The following CIT variants were observed in gnomAD, a reference collection of about 807,000 sequenced individuals.
The protein encoded by CIT is citron rho-interacting serine/threonine kinase.
CIT carries 79 observed loss-of-function variants against 272.7 expected under a neutral mutation model. That is an observed-to-expected ratio of 0.29 (90% CI 0.24 to 0.35). CIT has a LOEUF of 0.35. Among genes scored for constraint, CIT ranks in the 10% least tolerant of loss-of-function variants. The pLI, the probability that CIT is intolerant of heterozygous loss-of-function variation, is 1.00. For synonymous variants in CIT, 948 were observed against 995.6 expected (o/e 0.95, Z 0.90); for missense variants, 1,909 against 2,618.3 (o/e 0.73, Z 5.91).
intron 9 of CIT, among the ~76,000 whole-genome samples, chr12:119,816,231 G>A (rs760608924): frequency 1.3e-5 from 2 of 152,174 alleles, no homozygotes; most frequent in African/African-American, 4.8e-5. Flanking sequence ...CAACAGTAAA[G>A]TGGGGTTCAG....
chr12:119,704,754 G>A (rs1223766070), intron 40 of CIT, among the ~76,000 whole-genome samples: 1 of 152,174 alleles, frequency 6.6e-6, no homozygotes, highest in South Asian at 2.1e-4. Context: ...CTGGGATCCA[G>A]AGAAGGCCTC....
intron 32 of CIT, among the ~76,000 whole-genome samples, chr12:119,716,799 T>G (rs756871559): frequency 6.6e-6 from 1 of 152,198 alleles, no homozygotes; most frequent in Non-Finnish European, 1.5e-5. Flanking sequence ...GGATGTCCTC[T>G]GCAAGGTGTT....
intron 19 of CIT, among the ~76,000 whole-genome samples, chr12:119,762,833 G>A (rs1426959694): frequency 6.6e-6 from 1 of 152,106 alleles, no homozygotes; most frequent in Non-Finnish European, 1.5e-5. Context: ...GGGGACAGAA[G>A]TTTGAGACCA....
chr12:119,782,475 A>G lies in CIT; in HGVS notation c.1665+43T>C, dbSNP rs1310532222. 8 of 1,605,868 alleles carry G rather than the reference A, an allele frequency of 5.0e-6. No homozygotes were observed. In the African/African-American group the frequency reaches 1.1e-4, roughly 22 times the overall value. ...CGCCTCTCCTGAAATTAGAGGTCCA[A>G]GCAAGCCGAGATGCTGCTGTGCTCC... On this transcript the variant is annotated intron_variant, in intron 13 of 47. Transcript: ENST00000392521.
At chr12:119,823,413 T>A (rs910717785) in intron 8 of CIT, among the ~76,000 whole-genome samples, 1 of 152,172 alleles carries the variant, frequency 6.6e-6, no homozygotes. Flanking sequence ...TTCAGTGTGA[T>A]GAAAAAGAAA....
rs76015748 is a variant in CIT, at chr12:119,770,976, G to A, written c.2083-66C>T. On this transcript the variant is annotated intron_variant, in intron 17 of 47. Transcript: ENST00000392521. This position sits in a 1 kb window ranked among gnomAD's most constrained non-coding sequence, Gnocchi z 4.4. ...CCGCTATGGGCATAACACCTGCACC[G>A]AGGGAAAGAGCCCTCAAGAAGCATA... is the stretch of plus-strand genomic sequence containing the variant. The A allele has an allele frequency of 2.8e-3, 4,411 of 1,558,570 alleles. 114 individuals carry two copies. In the African/African-American group the frequency reaches 0.055, roughly 20 times the overall value.
chr12:119,764,917 G>A (rs551721253), intron 19 of CIT, among the ~76,000 whole-genome samples: 9 of 151,738 alleles, frequency 5.9e-5, no homozygotes, highest in South Asian at 2.1e-4. Flanking sequence ...AGAGATTCTC[G>A]TGTCTCAGCC....
intron 5 of CIT, among the ~76,000 whole-genome samples, chr12:119,840,485 A>T (rs555414798): frequency 6.6e-6 from 1 of 150,742 alleles, no homozygotes; most frequent in East Asian, 1.9e-4. Context: ...ACACCAGAAT[A>T]AAAAAAAACA....
chr12:119,801,521 A>G (rs764585075), intron 10 of CIT, among the ~76,000 whole-genome samples: 2 of 152,114 alleles, frequency 1.3e-5, no homozygotes, highest in Non-Finnish European at 2.9e-5. Context: ...CGTCTTTCAG[A>G]TCACTGACCA....
Position 119,803,348 on chromosome 12 carries a change from T to C in CIT, c.1153A>G (p.Thr385Ala), listed in dbSNP as rs771547452. 1 of 1,600,684 alleles carries C rather than the reference T, an allele frequency of 6.2e-7. No individual in the cohort carries two copies. The highest frequency in any genetic ancestry group is 8.5e-7 in the Non-Finnish European group (1 of 1,174,114). Residue 385 changes from threonine (T) to alanine (A), a missense_variant, in exon 10 of 48, where the codon ACC becomes GCC. Transcript: ENST00000392521. ...TTCTCTGGTTCATCAAAATTGGAGG[T>C]GTCATCGTCAGACTTGAGGGTGGGA... ...FVPTLKSDDD[T>A]SNFDEPEKNS...
chr12:119,771,528 T>G (rs556711491), intron 17 of CIT, among the ~76,000 whole-genome samples: 30 of 152,028 alleles, frequency 2.0e-4, no homozygotes, highest in Admixed American at 9.2e-4. Context: ...GAAGGGCAGG[T>G]GAAAAGCAGA....
chr12:119,728,688 C>CATA lies in CIT; in HGVS notation c.3487-83_3487-82insTAT. On this transcript the variant is annotated intron_variant, in intron 27 of 47. Coordinates refer to ENST00000392521, the MANE Select transcript of CIT (RefSeq NM_001206999.2). The surrounding 1 kb of genome is among the most constrained non-coding windows in gnomAD (Gnocchi z 4.3). ...ACGTTTATGAATGTCCACGAACCTT[C>CATA]ACGGAGAAAGAATATTGAGTTCTAA... 2.1e-6 allele frequency: 2 copies of CATA among 963,460 alleles called. No homozygotes were observed. The highest frequency in any genetic ancestry group is 3.2e-6 in the Non-Finnish European group (2 of 625,068). The allele number at this position is 963,460 out of a possible 1,614,324, so 59.7% of individuals were successfully genotyped here.
At chr12:119,857,060 G>A (rs906579469) in intron 4 of CIT, among the ~76,000 whole-genome samples, 2 of 152,138 alleles carry the variant, frequency 1.3e-5, no homozygotes, top group East Asian at 3.8e-4. Context: ...CGTTCTACCT[G>A]CTCTCAAACA....
rs140800333 is a variant in CIT, at chr12:119,850,445, GAAGGA to G, written c.415-175_415-171del. Among the ~76,000 whole-genome samples, 6,133 of 147,826 alleles carry G rather than the reference GAAGGA, an allele frequency of 0.041. 254 individuals are homozygous for G. Among genetic ancestry groups the G allele is most frequent in the African/African-American group, 0.1 (4,066 of 39,468 alleles). On this transcript the variant is annotated intron_variant, in intron 4 of 47. Coordinates refer to ENST00000392521, the MANE Select transcript of CIT (RefSeq NM_001206999.2). ...GGAAGGAAGGAAGAAGAGGGAAAGGGAAGGAAAGGGAAGGGAAGGGGAAGGGAAAG... is the reference window on the plus strand; with the variant it reads ...GGAAGGAAGGAAGAAGAGGGAAAGGGAAGGGAAGGGAAGGGGAAGGGAAAG...
intron 9 of CIT, among the ~76,000 whole-genome samples, chr12:119,809,313 CA>C (rs1389676617): frequency 1.3e-5 from 2 of 151,982 alleles, no homozygotes; most frequent in Admixed American, 6.6e-5. Context: ...CTCTAAAAGA[CA>C]AGTCTACAAT....
intron 13 of CIT, among the ~76,000 whole-genome samples, chr12:119,777,795 G>A (rs1963920835): frequency 6.6e-6 from 1 of 151,562 alleles, no homozygotes; most frequent in South Asian, 2.1e-4. Context: ...CCTAACACAG[G>A]AGAGCCAAAA....
At chr12:119,798,161 C>T (rs1322467835) in intron 10 of CIT, among the ~76,000 whole-genome samples, 1 of 152,078 alleles carries the variant, frequency 6.6e-6, no homozygotes, top group South Asian at 2.1e-4. Context: ...AAGAGCTATA[C>T]CGTCTACCTA....
intron 28 of CIT, among the ~76,000 whole-genome samples, chr12:119,727,530 G>A (rs115940515): frequency 0.012 from 1,819 of 152,174 alleles, 39 homozygotes; most frequent in African/African-American, 0.042. Flanking sequence ...ACAGGTACAC[G>A]AAAAGCCCAG....
At chr12:119,733,891 CAG>C (rs1958612249) in intron 26 of CIT, among the ~76,000 whole-genome samples, 1 of 152,142 alleles carries the variant, frequency 6.6e-6, no homozygotes. Flanking sequence ...GCACAGAAAA[CAG>C]AGGTATTTGC....
Sources: allele counts gnomAD v4.1 joint callset (sites outside exome capture counted in the v4.1 genomes callset), GRCh38; gene constraint gnomAD v4.1.1; non-coding constraint Gnocchi (gnomAD v3.1); transcripts MANE v1.5; gene names NCBI Gene and HGNC (gene_info 2026-07-23, HGNC 2026-07-21).